The following IL31RA variants were observed in gnomAD, a reference collection of about 807,000 sequenced individuals.
The protein encoded by IL31RA is interleukin 31 receptor A.
IL31RA carries 66 observed loss-of-function variants against 83.7 expected under a neutral mutation model. The ratio of observed to expected loss-of-function variants is 0.79; its 90% CI spans 0.65 to 0.97. The LOEUF (loss-of-function observed/expected upper bound fraction) is 0.97, where lower values mean the gene tolerates loss of function less well. IL31RA is among the 50% of genes least tolerant of loss of function. The probability of loss-of-function intolerance (pLI) is 0.00; values close to 1 mark genes in which losing one functional copy is unlikely to be tolerated. For synonymous variants in IL31RA, 325 were observed against 329.0 expected (o/e 0.99, Z 0.13); for missense variants, 798 against 919.4 (o/e 0.87, Z 1.71).
chr5:55,872,233 G>A, intron 3 of IL31RA, 37 bp from the exon 4 acceptor site: 2 of 1,473,194 alleles, frequency 1.4e-6, no homozygotes. Context: ...CCAAACCATT[G>A]TACTAAACTC....
rs1163470029 is a variant in IL31RA at position 55,919,782 on chromosome 5, G to C, written c.*2662G>C. On this transcript the variant is annotated 3_prime_UTR_variant, in exon 15 of 15. Coordinates refer to ENST00000652347, the MANE Select transcript of IL31RA (RefSeq NM_139017.7). ...TCTCCTGAGCAGGTTCACAGGATGT[G>C]AGCCTCAGAGTTCAGGGCGCAGGTG... 2.6e-5 allele frequency among the ~76,000 whole-genome samples: 4 copies of C among 152,142 alleles called. No homozygotes were observed. Among genetic ancestry groups the C allele is most frequent in the African/African-American group, 9.7e-5 (4 of 41,434 alleles).
intron 5 of IL31RA, among the ~76,000 whole-genome samples, chr5:55,884,330 G>C (rs1747446931): frequency 6.6e-6 from 1 of 152,124 alleles, no homozygotes; most frequent in Non-Finnish European, 1.5e-5. Context: ...AATGCCTTTT[G>C]TGTCTTAGGA....
At chr5:55,867,770 G>A (rs1236105134) in intron 2 of IL31RA, among the ~76,000 whole-genome samples, 1 of 152,094 alleles carries the variant, frequency 6.6e-6, no homozygotes, top group Non-Finnish European at 1.5e-5. Flanking sequence ...TTCCTACATG[G>A]CTGCAGCAAG....
chr5:55,849,609 G>C (rs1488544692), upstream of IL31RA, among the ~76,000 whole-genome samples: 1 of 152,128 alleles, frequency 6.6e-6, no homozygotes, highest in Non-Finnish European at 1.5e-5. Context: ...TTCTAAGAGT[G>C]CTGCAAAACT....
chr5:55,893,306 G>C (rs553358019), intron 6 of IL31RA, among the ~76,000 whole-genome samples: 1 of 152,212 alleles, frequency 6.6e-6, no homozygotes, highest in Admixed American at 6.5e-5. Flanking sequence ...ACAGGGCTGT[G>C]GGCATTAAAT....
chr5:55,843,374 A>T, the IL31RA span, among the ~76,000 whole-genome samples: 5 of 152,146 alleles, frequency 3.3e-5, no homozygotes, highest in African/African-American at 1.2e-4. Flanking sequence ...GAAGTAGTGC[A>T]GTCAGTGGTG....
At chr5:55,873,956 T>A (rs1203111911) in intron 4 of IL31RA, among the ~76,000 whole-genome samples, 1 of 152,096 alleles carries the variant, frequency 6.6e-6, no homozygotes, top group Non-Finnish European at 1.5e-5. Context: ...TAAGAAACCA[T>A]TGCCTAACCT....
intron 4 of IL31RA, among the ~76,000 whole-genome samples, chr5:55,878,462 A>T (rs1463229997): frequency 1.3e-5 from 2 of 152,330 alleles, no homozygotes; most frequent in African/African-American, 4.8e-5. Context: ...TGGAAAAAAC[A>T]GCTACCTCTC....
At chr5:55,898,363 G>T (rs142741015) in intron 7 of IL31RA, among the ~76,000 whole-genome samples, 1,220 of 121,920 alleles carry the variant, frequency 0.01, 6 homozygotes, top group Middle Eastern at 0.059. Context: ...AGCTCTCTAA[G>T]AATTTGAGTT....
At chr5:55,907,958 T>C (rs1021322186) in intron 10 of IL31RA, among the ~76,000 whole-genome samples, 11 of 152,242 alleles carry the variant, frequency 7.2e-5, no homozygotes, top group Non-Finnish European at 1.5e-4. Flanking sequence ...TATGGAGCCA[T>C]ATTCTTCAAC....
intron 2 of IL31RA, among the ~76,000 whole-genome samples, chr5:55,864,019 C>A (rs1045717019): frequency 6.6e-6 from 1 of 151,726 alleles, no homozygotes; most frequent in African/African-American, 2.4e-5. Context: ...TGGATTCAAC[C>A]AACGCAAGGG....
rs143991113 is a variant in IL31RA at position 55,899,429 on chromosome 5, G to A, written c.853-487G>A. Among the ~76,000 whole-genome samples the A allele has an allele frequency of 2.5e-3, 382 of 152,320 alleles. 1 individual carries two copies. Among genetic ancestry groups the A allele is most frequent in the African/African-American group, 8.8e-3 (365 of 41,572 alleles). On this transcript the variant is annotated intron_variant, in intron 7 of 14. Transcript: ENST00000652347. ...CCCTCTTAGCTAGGACGCCTGGCTGGGGCGCCTGGTCCAGGGAAGCTGGCT... is the reference window on the plus strand; with the variant it reads ...CCCTCTTAGCTAGGACGCCTGGCTGAGGCGCCTGGTCCAGGGAAGCTGGCT...
chr5:55,847,286 A>G (rs144102942), upstream of IL31RA, among the ~76,000 whole-genome samples: 1,279 of 144,952 alleles, frequency 8.8e-3, 18 homozygotes, highest in African/African-American at 0.029. Flanking sequence ...TAAATAAATA[A>G]AAAGAAAAGA....
At chr5:55,888,342 C>T (rs1747769231) in intron 5 of IL31RA, among the ~76,000 whole-genome samples, 1 of 152,232 alleles carries the variant, frequency 6.6e-6, no homozygotes, top group Admixed American at 6.5e-5. Flanking sequence ...TTACAGGCAC[C>T]TTGATTAAAA....
intron 9 of IL31RA, 50 bp from the exon 10 acceptor site, chr5:55,907,309 C>T (rs576425341): frequency 2.1e-5 from 23 of 1,074,542 alleles, no homozygotes; most frequent in Non-Finnish European, 2.7e-5. Flanking sequence ...AGTATTCCCC[C>T]CACTCTGCCG....
At chr5:55,908,457 T>C (rs1384804195) in intron 11 of IL31RA, 46 bp downstream of exon 11, 1 of 1,614,210 alleles carries the variant, frequency 6.2e-7, no homozygotes, top group East Asian at 2.2e-5. Context: ...AAGCCCCAGA[T>C]AGATGCTATG....
intron 2 of IL31RA, among the ~76,000 whole-genome samples, chr5:55,862,899 C>A (rs1287695515): frequency 6.6e-6 from 1 of 152,174 alleles, no homozygotes; most frequent in Non-Finnish European, 1.5e-5. Flanking sequence ...GTGAAGTGTT[C>A]TTCATTGTGC....
At chr5:55,860,087 G>A (rs1045841870) in intron 2 of IL31RA, among the ~76,000 whole-genome samples, 1 of 152,204 alleles carries the variant, frequency 6.6e-6, no homozygotes, top group Admixed American at 6.5e-5. Flanking sequence ...AGTTAGGTGA[G>A]GTCTGGCACA....
rs148317447 is a variant in IL31RA, at chr5:55,865,012, A to T, written c.155-3779A>T. Among the ~76,000 whole-genome samples, 136 of 152,270 alleles carry T rather than the reference A, an allele frequency of 8.9e-4. 1 individual carries two copies. The East Asian group carries it at 0.01, about 12-fold the overall frequency. On this transcript the variant is annotated intron_variant, in intron 2 of 14. Coordinates refer to ENST00000652347, the MANE Select transcript of IL31RA (RefSeq NM_139017.7). ...TGAGTTATTCCTCCTGGGTGTTGCA[A>T]GCTAACCCTTGGTTCACCTCTTGTA...
Sources: allele counts gnomAD v4.1 joint callset (sites outside exome capture counted in the v4.1 genomes callset), GRCh38; gene constraint gnomAD v4.1.1; transcripts MANE v1.5; gene names NCBI Gene and HGNC (gene_info 2026-07-23, HGNC 2026-07-21).